APBB2: variants seen among roughly 807,000 people sequenced by gnomAD.
The protein encoded by APBB2 is amyloid beta precursor protein binding family B member 2.
A neutral mutation model predicts 82.5 loss-of-function variants in APBB2; 38 were observed. The ratio of observed to expected loss-of-function variants is 0.46; its 90% CI spans 0.36 to 0.60. The LOEUF (loss-of-function observed/expected upper bound fraction) is 0.60, where lower values mean the gene tolerates loss of function less well. Ranked by LOEUF, APBB2 falls within the 20% of genes least tolerant of loss-of-function variation. APBB2 has a pLI of 0.00. For synonymous variants in APBB2, 341 were observed against 368.2 expected (o/e 0.93, Z 0.85); for missense variants, 772 against 972.3 (o/e 0.79, Z 2.74).
Position 41,139,873 on chromosome 4 carries a change from C to T in APBB2, c.-261+3114G>A, listed in dbSNP as rs190359644. ...TTATGAAAGCTCATAGAACATACAA[C>T]GCAAAGAGTGAACCTAATATAAACT... On this transcript the variant is annotated intron_variant, in intron 2 of 17. Transcript: ENST00000508593. Among the ~76,000 whole-genome samples, 36 of 152,170 alleles carry T rather than the reference C, an allele frequency of 2.4e-4. No individual in the cohort carries two copies. In the East Asian group the frequency reaches 6.4e-3, roughly 27 times the overall value.
At chr4:40,821,629 G>T (rs557134824) in intron 17 of APBB2, among the ~76,000 whole-genome samples, 2 of 152,346 alleles carry the variant, frequency 1.3e-5, no homozygotes, top group Middle Eastern at 3.4e-3. Context: ...CGTCAAGGTG[G>T]TGGTTATGAA....
intron 1 of APBB2, among the ~76,000 whole-genome samples, chr4:41,169,760 T>C (rs1187713435): frequency 6.6e-6 from 1 of 152,186 alleles, no homozygotes; most frequent in African/African-American, 2.4e-5. Context: ...TCTGTATTTA[T>C]GCTAAAATGT....
chr4:41,095,123 T>A (rs1280286888), intron 3 of APBB2, among the ~76,000 whole-genome samples: 1 of 152,146 alleles, frequency 6.6e-6, no homozygotes, highest in Non-Finnish European at 1.5e-5. Flanking sequence ...ACAGTTACAG[T>A]GGTGGGTTCA....
At chr4:41,105,853 T>C (rs946023794) in intron 2 of APBB2, among the ~76,000 whole-genome samples, 1 of 143,800 alleles carries the variant, frequency 7.0e-6, no homozygotes, top group Non-Finnish European at 1.5e-5. Flanking sequence ...GCCACTGCAC[T>C]CCAGCCTGGG....
intron 6 of APBB2, among the ~76,000 whole-genome samples, chr4:40,973,777 T>C (rs1398912603): frequency 1.3e-5 from 2 of 152,124 alleles, no homozygotes; most frequent in African/African-American, 4.8e-5. Context: ...TCTCTGCCTG[T>C]CTTCACATAT....
In APBB2 at chr4:40,811,971, G is replaced by GT; in HGVS notation, c.*4120dup. ...CTTTGATGTCAGGTTCTTAAAGGAA[G>GT]TGATAAACTTCTTCGTGCTAAAATA... is the stretch of plus-strand genomic sequence containing the variant. On this transcript the variant is annotated 3_prime_UTR_variant, in exon 18 of 18. Transcript: ENST00000508593. 1 of 152,284 alleles carries GT rather than the reference G, an allele frequency of 6.6e-6. No homozygotes were observed. Among genetic ancestry groups the GT allele is most frequent in the African/African-American group, 2.4e-5 (1 of 41,556 alleles). 9.4% of individuals were successfully genotyped at this position (152,284 alleles called of 1,614,324 possible). A position where few individuals can be genotyped will look rare whatever the true frequency, so the allele number is the denominator to read the frequency against.
chr4:41,145,530 T>C (rs1287459546), intron 1 of APBB2, among the ~76,000 whole-genome samples: 1 of 152,124 alleles, frequency 6.6e-6, no homozygotes, highest in African/African-American at 2.4e-5. Context: ...ATGAAACGCA[T>C]GCAGGAGAAA....
At chr4:40,994,356 C>G (rs563962594) in intron 6 of APBB2, among the ~76,000 whole-genome samples, 1 of 150,996 alleles carries the variant, frequency 6.6e-6, no homozygotes, top group Non-Finnish European at 1.5e-5. Flanking sequence ...CTAGCTGCAA[C>G]GAGATTTTCT....
intron 12 of APBB2, among the ~76,000 whole-genome samples, chr4:40,878,880 G>C (rs2154344719): frequency 6.6e-6 from 1 of 152,102 alleles, no homozygotes; most frequent in South Asian, 2.1e-4. Flanking sequence ...CCGTCCTCTG[G>C]CTGCCATGAC....
intron 2 of APBB2, among the ~76,000 whole-genome samples, chr4:41,106,248 A>G (rs1301518827): frequency 6.6e-6 from 1 of 152,136 alleles, no homozygotes; most frequent in Non-Finnish European, 1.5e-5. Flanking sequence ...GCAGAATTCC[A>G]ATGTTATCTA....
chr4:40,818,655 C>T (rs1364785065), intron 17 of APBB2, among the ~76,000 whole-genome samples: 1 of 152,162 alleles, frequency 6.6e-6, no homozygotes, highest in Non-Finnish European at 1.5e-5. Context: ...CCCCTGAACC[C>T]CAGCCCTGCT....
At chr4:40,993,361 CTTTTT>C (rs34787320) in intron 6 of APBB2, among the ~76,000 whole-genome samples, 5 of 114,616 alleles carry the variant, frequency 4.4e-5, no homozygotes, top group African/African-American at 1.4e-4. Flanking sequence ...ACTCTTCTCT[CTTTTT>C]TTTTTTTTTT....
chr4:40,869,525 C>A (rs1289105874), intron 12 of APBB2, among the ~76,000 whole-genome samples: 1 of 151,904 alleles, frequency 6.6e-6, no homozygotes, highest in East Asian at 1.9e-4. Flanking sequence ...GAGATCCAGG[C>A]TGCAGTGAGC....
chr4:40,838,063 T>C (rs1754561979), intron 12 of APBB2, among the ~76,000 whole-genome samples: 1 of 151,870 alleles, frequency 6.6e-6, no homozygotes, highest in Non-Finnish European at 1.5e-5. Flanking sequence ...CTCAGTTATA[T>C]AGCATTCTAA....
At chr4:41,169,051 G>A (rs569158876) in intron 1 of APBB2, among the ~76,000 whole-genome samples, 3 of 152,178 alleles carry the variant, frequency 2.0e-5, no homozygotes, top group South Asian at 4.2e-4. Flanking sequence ...TGGGCATGGT[G>A]GCGCACACCT....
intron 1 of APBB2, among the ~76,000 whole-genome samples, chr4:41,177,325 C>T (rs1011096646): frequency 2.6e-5 from 4 of 152,158 alleles, no homozygotes; most frequent in African/African-American, 4.8e-5. Flanking sequence ...GACAGTTATT[C>T]TGGTTATGAA....
intron 1 of APBB2, among the ~76,000 whole-genome samples, chr4:41,145,184 G>A (rs1760373562): frequency 6.6e-6 from 1 of 152,010 alleles, no homozygotes; most frequent in South Asian, 2.1e-4. Flanking sequence ...ACAGGAGCAG[G>A]GCCCTTAATG....
At chr4:40,846,650 G>T (rs1469657793) in intron 12 of APBB2, among the ~76,000 whole-genome samples, 2 of 152,112 alleles carry the variant, frequency 1.3e-5, no homozygotes, top group African/African-American at 4.8e-5. Context: ...TCACTGTCCT[G>T]CCCAGCAGCG....
At chr4:40,955,951 T>G (rs1791533719) in intron 6 of APBB2, among the ~76,000 whole-genome samples, 1 of 152,002 alleles carries the variant, frequency 6.6e-6, no homozygotes, top group African/African-American at 2.4e-5. Flanking sequence ...AATTTTTGTA[T>G]TTTTAGTAGA....
Sources: allele counts gnomAD v4.1 joint callset (sites outside exome capture counted in the v4.1 genomes callset), GRCh38; gene constraint gnomAD v4.1.1; transcripts MANE v1.5; gene names NCBI Gene and HGNC (gene_info 2026-07-23, HGNC 2026-07-21).